The following ADAM12 variants were observed in gnomAD, a reference collection of about 807,000 sequenced individuals.
ADAM12 encodes disintegrin and metalloproteinase domain-containing protein 12.
A neutral mutation model predicts 106.4 loss-of-function variants in ADAM12; 70 were observed. The observed-to-expected ratio is 0.66, with a 90% CI of 0.54 to 0.80. The LOEUF is 0.80. ADAM12 is among the 30% of genes least tolerant of loss of function. ADAM12 has a pLI of 0.00. For missense variants in ADAM12, 1,010 were observed against 1,171.9 expected, an observed-to-expected ratio of 0.86 and a Z score of 2.02; for synonymous variants, 420 against 433.5, an observed-to-expected ratio of 0.97 and a Z score of 0.39.
chr10:126,027,820 C>T (rs915133921), intron 21 of ADAM12, among the ~76,000 whole-genome samples: 3 of 152,138 alleles, frequency 2.0e-5, no homozygotes, highest in Admixed American at 1.3e-4. Context: ...TCTCACCACT[C>T]CTAGTCAACA....
chr10:126,049,484 G>C lies in ADAM12; in HGVS notation c.1719-33C>G, dbSNP rs1302723893. The C allele has an allele frequency of 6.2e-7, 1 of 1,613,820 alleles. No homozygotes were observed. The highest frequency in any genetic ancestry group is 1.3e-5 in the African/African-American group (1 of 74,912). On this transcript the variant is annotated intron_variant, in intron 15 of 22. Transcript: ENST00000448723. The surrounding 1 kb of genome is among the most constrained non-coding windows in gnomAD (Gnocchi z 4.4). Reference sequence around the variant, plus strand: ...GGTAAGAACAAACAATTCCCAAGGAGAAACCATTTGGAACCAACCCTATGC... The same window carrying C: ...GGTAAGAACAAACAATTCCCAAGGACAAACCATTTGGAACCAACCCTATGC...
At chr10:126,171,181 G>A (rs1030976115) in intron 3 of ADAM12, among the ~76,000 whole-genome samples, 2 of 152,152 alleles carry the variant, frequency 1.3e-5, no homozygotes, top group Non-Finnish European at 2.9e-5. Flanking sequence ...TTCCATAAGC[G>A]CTTAAATAGT....
chr10:126,142,559 C>T (rs1024144923), intron 4 of ADAM12, among the ~76,000 whole-genome samples: 15 of 152,202 alleles, frequency 9.9e-5, no homozygotes, highest in African/African-American at 1.9e-4. Context: ...AACCTTCCAG[C>T]GTGGGTGTCA....
chr10:126,091,258 A>C (rs1590396280), intron 11 of ADAM12, among the ~76,000 whole-genome samples: 1 of 152,236 alleles, frequency 6.6e-6, no homozygotes, highest in Non-Finnish European at 1.5e-5. Context: ...CATTGAGTCC[A>C]TTCTCCCACT....
chr10:126,357,946 CTT>C lies in ADAM12; in HGVS notation c.89-27439_89-27438del, dbSNP rs1194950094. Among the ~76,000 whole-genome samples the C allele has an allele frequency of 2.0e-5, 3 of 152,230 alleles. No homozygotes were observed. In the East Asian group the frequency reaches 5.8e-4, roughly 29 times the overall value. On this transcript the variant is annotated intron_variant, in intron 1 of 22. Transcript: ENST00000448723. ...ACAGAAAAACAAATATGAATCCAAA[CTT>C]TTCCAAAAATTGAAGAGGAAAGATT... is the stretch of plus-strand genomic sequence containing the variant.
chr10:126,239,768 A>T (rs1224988111), intron 3 of ADAM12, among the ~76,000 whole-genome samples: 1 of 152,192 alleles, frequency 6.6e-6, no homozygotes, highest in African/African-American at 2.4e-5. Flanking sequence ...AAAGAGAACC[A>T]TTCACGTCAT....
At chr10:126,333,956 T>C (rs369054513) in intron 1 of ADAM12, among the ~76,000 whole-genome samples, 5 of 152,240 alleles carry the variant, frequency 3.3e-5, no homozygotes, top group African/African-American at 1.2e-4. Flanking sequence ...GTATTATCTA[T>C]GTACATGGAT....
chr10:126,046,971 AG>A (rs879740733), intron 16 of ADAM12, among the ~76,000 whole-genome samples: 2 of 152,282 alleles, frequency 1.3e-5, no homozygotes, highest in African/African-American at 4.8e-5. Context: ...ACTGACAAGT[AG>A]TATCATCAAT....
At chr10:126,189,573 G>T (rs1314915186) in intron 3 of ADAM12, among the ~76,000 whole-genome samples, 5 of 152,192 alleles carry the variant, frequency 3.3e-5, no homozygotes, top group Non-Finnish European at 5.9e-5. Context: ...TGCTAAACAT[G>T]CATTGCCATG....
chr10:126,099,495 T>C (rs1955619668), intron 9 of ADAM12, among the ~76,000 whole-genome samples: 1 of 151,746 alleles, frequency 6.6e-6, no homozygotes, highest in African/African-American at 2.4e-5. Context: ...ACAGATATAA[T>C]TATACATGTA....
intron 1 of ADAM12, among the ~76,000 whole-genome samples, chr10:126,333,733 A>T (rs1854599735): frequency 6.6e-6 from 1 of 152,232 alleles, no homozygotes; most frequent in South Asian, 2.1e-4. Flanking sequence ...TGAAGGCAAA[A>T]TATTCCAACC....
At chr10:126,120,970 T>TACATATGTAATATAATATATATTATATA (rs1956077759) in intron 5 of ADAM12, among the ~76,000 whole-genome samples, 1 of 136,312 alleles carries the variant, frequency 7.3e-6, no homozygotes, top group Non-Finnish European at 1.5e-5. Context: ...TATTATATAT[T>TACATATGTAATATAATATATATTATATA]ACATATGCAA....
At chr10:126,133,587 G>C (rs769042764) in intron 5 of ADAM12, among the ~76,000 whole-genome samples, 46 of 152,140 alleles carry the variant, frequency 3.0e-4, no homozygotes, top group Non-Finnish European at 8.8e-5. Flanking sequence ...GGCAGCTGGA[G>C]TGCCCCTGTA....
chr10:126,358,605 C>A (rs1855631658), intron 1 of ADAM12, among the ~76,000 whole-genome samples: 1 of 152,148 alleles, frequency 6.6e-6, no homozygotes. Context: ...CCTACACTCA[C>A]CATTTCTATT....
rs1960985833 is a variant in ADAM12 at position 126,309,429 on chromosome 10, TATTGTA to T, written c.186+20977_186+20982del. Among the ~76,000 whole-genome samples the T allele has an allele frequency of 2.0e-5, 3 of 152,320 alleles. No homozygotes were observed. In the South Asian group the frequency reaches 6.2e-4, roughly 32 times the overall value. ...CCAGAAAATGCCCCTGGACTTTGGGTATTGTAAACAGAAAACAAATTCCAATGTAAC... is the reference window on the plus strand; with the variant it reads ...CCAGAAAATGCCCCTGGACTTTGGGTAACAGAAAACAAATTCCAATGTAAC... On this transcript the variant is annotated intron_variant, in intron 2 of 22. Transcript: ENST00000448723.
At chr10:126,217,190 C>A (rs1032173143) in intron 3 of ADAM12, among the ~76,000 whole-genome samples, 3 of 152,042 alleles carry the variant, frequency 2.0e-5, no homozygotes, top group Non-Finnish European at 4.4e-5. Context: ...CATTAGTTAC[C>A]TAATGAATGT....
chr10:126,165,203 T>C (rs184238921), intron 3 of ADAM12, among the ~76,000 whole-genome samples: 2 of 152,296 alleles, frequency 1.3e-5, no homozygotes, highest in Admixed American at 1.3e-4. Flanking sequence ...AGTCTCTCTC[T>C]GTCACCCAGG....
intron 2 of ADAM12, among the ~76,000 whole-genome samples, chr10:126,304,793 CA>C (rs889209055): frequency 3.1e-4 from 46 of 146,316 alleles, no homozygotes; most frequent in East Asian, 1.4e-3. Context: ...TGAACGTTTA[CA>C]AAAAAAAAAT....
intron 1 of ADAM12, among the ~76,000 whole-genome samples, chr10:126,375,608 G>C (rs1856259341): frequency 6.6e-6 from 1 of 151,016 alleles, no homozygotes; most frequent in Non-Finnish European, 1.5e-5. Context: ...AACAGAACTG[G>C]GAAAGAGTAG....
Sources: allele counts gnomAD v4.1 joint callset (sites outside exome capture counted in the v4.1 genomes callset), GRCh38; gene constraint gnomAD v4.1.1; non-coding constraint Gnocchi (gnomAD v3.1); transcripts MANE v1.5; gene names NCBI Gene and HGNC (gene_info 2026-07-23, HGNC 2026-07-21).